Variants in URB1 observed in about 807,000 individuals in gnomAD.
The protein encoded by URB1 is URB1 ribosome biogenesis factor.
A neutral mutation model predicts 242.3 loss-of-function variants in URB1; 197 were observed. The ratio of observed to expected loss-of-function variants is 0.81; its 90% confidence interval spans 0.72 to 0.91. The LOEUF (loss-of-function observed/expected upper bound fraction) is 0.91, where lower values mean the gene tolerates loss of function less well. Ranked by LOEUF, URB1 falls within the 40% of genes least tolerant of loss-of-function variation. URB1 has a pLI of 0.00. For missense variants in URB1, 2,721 were observed against 2,860.5 expected, an observed-to-expected ratio of 0.95 and a Z score of 1.11; for synonymous variants, 1,153 against 1,201.8, an observed-to-expected ratio of 0.96 and a Z score of 0.84.
At chr21:32,377,786 A>G (rs184468695) in intron 5 of URB1, among the ~76,000 whole-genome samples, 461 of 152,222 alleles carry the variant, frequency 3.0e-3, no homozygotes, top group Admixed American at 6.9e-3. Flanking sequence ...CTCCTCCTCA[A>G]TAACTCCCAG....
At chr21:32,344,874 T>C in intron 23 of URB1, 118 bp from the exon 24 acceptor site, 1 of 1,179,344 alleles carries the variant, frequency 8.5e-7, no homozygotes, top group Non-Finnish European at 1.1e-6. Flanking sequence ...CTCCCCACAC[T>C]ACCCACTCAC....
In URB1 at chr21:32,312,183, A is replaced by G; in HGVS notation, c.*2735T>C. 1 of 1,500,798 alleles carries G rather than the reference A, an allele frequency of 6.7e-7. No individual in the cohort carries two copies. The highest frequency in any genetic ancestry group is 8.9e-7 in the Non-Finnish European group (1 of 1,127,938). 93.0% of individuals were successfully genotyped at this position (1,500,798 alleles called of 1,614,324 possible). A position where few individuals can be genotyped will look rare whatever the true frequency, so the allele number is the denominator to read the frequency against. Reference sequence around the variant, plus strand: ...CAGTGGCCCCTCGAGTGCAGAGGTCATCCCAGGTGTTGCTGAGTTTATTGA... The same window carrying G: ...CAGTGGCCCCTCGAGTGCAGAGGTCGTCCCAGGTGTTGCTGAGTTTATTGA... On this transcript the variant is annotated 3_prime_UTR_variant, in exon 39 of 39. Transcript: ENST00000382751.
intron 30 of URB1, among the ~76,000 whole-genome samples, chr21:32,332,109 A>G (rs2032899963): frequency 6.6e-6 from 1 of 152,256 alleles, no homozygotes; most frequent in Non-Finnish European, 1.5e-5. Flanking sequence ...ACAACTGACA[A>G]CAACAGGTGA....
rs2033174350 is a variant in URB1, at chr21:32,352,887, A to AT, written c.2435dup (p.Tyr812Ter). The change falls in exon 19 of 39, where the codon TAT becomes TAAT. Residue 812 changes from tyrosine to a stop codon, truncating the protein, a stop_gained and frameshift_variant. Coordinates refer to ENST00000382751, the MANE Select transcript of URB1 (RefSeq NM_014825.3). LOFTEE classifies it high-confidence loss of function. ...GGAGGTCAGTCAGCACTGCCGTCAG[A>AT]TATGTCACAACGTTTTCCGCTGCAA... ...GNEAAENVVT[Y>*]LTAVLTDLLH... is the part of the protein sequence containing the mutation. 6.5e-7 allele frequency: 1 copy of AT among 1,549,972 alleles called. No homozygotes were observed. The highest frequency in any genetic ancestry group is 1.4e-5 in the African/African-American group (1 of 73,112).
chr21:32,344,500 A>G (rs1476821234), intron 24 of URB1, 70 bp downstream of exon 24: 2 of 1,499,824 alleles, frequency 1.3e-6, no homozygotes, highest in African/African-American at 1.4e-5. Context: ...AAATGCATCT[A>G]TAGCTTGGTT....
chr21:32,373,734 C>G lies in URB1; in HGVS notation c.789G>C (p.Val263=), dbSNP rs950200992. 7.1e-6 allele frequency: 11 copies of G among 1,547,544 alleles called. No homozygotes were observed. The highest frequency in any genetic ancestry group is 9.6e-6 in the Non-Finnish European group (11 of 1,145,602). Reference sequence around the variant, plus strand: ...TCAATAACTGCCCCGTAAAGAAACGCACCTTCTGGGTTTTTGTGATATTTT... The same window carrying G: ...TCAATAACTGCCCCGTAAAGAAACGGACCTTCTGGGTTTTTGTGATATTTT... The part of the protein sequence containing the change: ...HNKNITKTQK[V]RFFTGQLLNH... The change falls in exon 7 of 39, where the codon GTG becomes GTC. Residue 263 remains valine (V), a synonymous_variant. Transcript: ENST00000382751.
At chr21:32,355,239 T>C (rs763955458) in intron 16 of URB1, among the ~76,000 whole-genome samples, 6 of 152,288 alleles carry the variant, frequency 3.9e-5, no homozygotes, top group African/African-American at 1.4e-4. Context: ...AAAAACAAAT[T>C]CCCAAAAGGA....
chr21:32,379,382 C>T (rs2033496300), intron 4 of URB1, among the ~76,000 whole-genome samples: 1 of 152,246 alleles, frequency 6.6e-6, no homozygotes, highest in South Asian at 2.1e-4. Flanking sequence ...TTCACAGTTA[C>T]TCCAAAGATA....
At chr21:32,378,566 G>A in intron 4 of URB1, 25 bp from the exon 5 acceptor site, 2 of 1,533,770 alleles carry the variant, frequency 1.3e-6, no homozygotes, top group Non-Finnish European at 1.8e-6. Context: ...AGACCTACAT[G>A]TCACATGCAT....
At chr21:32,345,961 C>T (rs1190564030) in intron 22 of URB1, among the ~76,000 whole-genome samples, 2 of 152,170 alleles carry the variant, frequency 1.3e-5, no homozygotes, top group South Asian at 2.1e-4. Context: ...CCCTCCAAAT[C>T]TCATGTTGAA....
chr21:32,331,895 A>C (rs1374637949), intron 30 of URB1, among the ~76,000 whole-genome samples: 1 of 152,024 alleles, frequency 6.6e-6, no homozygotes, highest in Non-Finnish European at 1.5e-5. Context: ...GTGACAGTAC[A>C]CTCCTCCTGC....
intron 3 of URB1, 149 bp from the exon 4 acceptor site, chr21:32,383,703 G>GA: frequency 1.2e-6 from 1 of 866,512 alleles, no homozygotes; most frequent in Non-Finnish European, 1.6e-6. Flanking sequence ...TTTTTTTAAG[G>GA]AAAAAGAAAA....
chr21:32,348,389 C>G (rs1284893975), intron 21 of URB1, among the ~76,000 whole-genome samples: 2 of 152,168 alleles, frequency 1.3e-5, no homozygotes, highest in African/African-American at 4.8e-5. Context: ...TGAAAGTAAT[C>G]CTGTCTCCAC....
chr21:32,378,891 T>C (rs1263519713), intron 4 of URB1, among the ~76,000 whole-genome samples: 1 of 152,196 alleles, frequency 6.6e-6, no homozygotes, highest in Non-Finnish European at 1.5e-5. Context: ...TCAGCCTGCC[T>C]AGATCCATCT....
intron 22 of URB1, among the ~76,000 whole-genome samples, 182 bp from the exon 23 acceptor site, chr21:32,345,757 T>C (rs2033079721): frequency 6.6e-6 from 1 of 152,288 alleles, no homozygotes; most frequent in South Asian, 2.1e-4. Flanking sequence ...CACACCTGTC[T>C]CCTTCAAGGG....
chr21:32,358,825 G>C (rs1313077324), intron 14 of URB1, among the ~76,000 whole-genome samples: 1 of 152,158 alleles, frequency 6.6e-6, no homozygotes, highest in Non-Finnish European at 1.5e-5. Context: ...CAGAGCTCTA[G>C]GCAGCACCGC....
intron 30 of URB1, among the ~76,000 whole-genome samples, chr21:32,325,827 A>C (rs934571383): frequency 6.6e-6 from 1 of 152,208 alleles, no homozygotes; most frequent in Admixed American, 6.5e-5. Context: ...AGGAAAGCAC[A>C]CACAGCAGTG....
At chr21:32,392,297 T>C (rs1289543676) in intron 1 of URB1, among the ~76,000 whole-genome samples, 5 of 152,192 alleles carry the variant, frequency 3.3e-5, no homozygotes, top group African/African-American at 1.2e-4. Flanking sequence ...AACTGACAAG[T>C]AGCTGTGGTG....
intron 1 of URB1, among the ~76,000 whole-genome samples, chr21:32,389,291 G>A (rs543534315): frequency 2.0e-5 from 3 of 152,294 alleles, no homozygotes; most frequent in African/African-American, 7.2e-5. Flanking sequence ...GGCAGCCTGA[G>A]ATGAAGTCAA....
Sources: gnomAD v4.1 joint callset for allele counts (sites outside exome capture counted in the v4.1 genomes callset) on GRCh38, gnomAD v4.1.1 for gene constraint, MANE v1.5 for transcripts, NCBI Gene and HGNC (gene_info 2026-07-23, HGNC 2026-07-21) for gene names.